MFHAS1: variants seen among roughly 807,000 people sequenced by gnomAD.
MFHAS1 encodes the protein malignant fibrous histiocytoma-amplified sequence 1.
Under a neutral mutation model 70.4 loss-of-function variants are expected in MFHAS1, and 50 were observed. The observed-to-expected ratio is 0.71, with a 90% CI of 0.57 to 0.90. MFHAS1 has a LOEUF of 0.90. MFHAS1 is among the 40% of genes least tolerant of loss of function. The pLI is 0.00. For missense variants in MFHAS1, 1,795 were observed against 1,347.6 expected (o/e 1.33, Z -5.20); for synonymous variants, 952 against 620.0 (o/e 1.54, Z -7.96).
chr8:8,876,504 G>A (rs1809297854), intron 1 of MFHAS1, among the ~76,000 whole-genome samples: 1 of 152,166 alleles, frequency 6.6e-6, no homozygotes, highest in East Asian at 1.9e-4. Flanking sequence ...GGAGGATGAG[G>A]CAGGCAGACT....
At chr8:8,866,612 T>C (rs1371608573) in intron 1 of MFHAS1, among the ~76,000 whole-genome samples, 1 of 152,132 alleles carries the variant, frequency 6.6e-6, no homozygotes, top group Non-Finnish European at 1.5e-5. Context: ...GCCACTGCAG[T>C]CAGCCAGTAA....
At chr8:8,820,768 C>A (rs992767527) in intron 1 of MFHAS1, among the ~76,000 whole-genome samples, 3 of 152,310 alleles carry the variant, frequency 2.0e-5, no homozygotes, top group South Asian at 2.1e-4. Context: ...AATCTCTAGC[C>A]GTCTGGCCAG....
intron 2 of MFHAS1, among the ~76,000 whole-genome samples, chr8:8,789,985 A>C (rs1805670710): frequency 1.3e-5 from 2 of 151,786 alleles, no homozygotes. Context: ...ACTTGTGACC[A>C]TCCCGGTACT....
At chr8:8,833,106 A>G (rs1807468314) in intron 1 of MFHAS1, among the ~76,000 whole-genome samples, 1 of 152,098 alleles carries the variant, frequency 6.6e-6, no homozygotes, top group Admixed American at 6.6e-5. Flanking sequence ...GGTGCCACAC[A>G]CTTTTAAACA....
Position 8,892,012 on chromosome 8 carries a change from C to A in MFHAS1, c.1047G>T (p.Leu349=). ...VELTGLEELV[L]QGNQIAVLPD... Reference sequence around the variant, plus strand: ...GCAGCACCGCGATCTGGTTCCCCTGCAGCACGAGCTCCTCCAGGCCGGTCA... The same window carrying A: ...GCAGCACCGCGATCTGGTTCCCCTGAAGCACGAGCTCCTCCAGGCCGGTCA... The change falls in exon 1 of 3, where the codon CTG becomes CTT. Residue 349 remains leucine, a synonymous_variant. Coordinates refer to ENST00000276282, the MANE Select transcript of MFHAS1 (RefSeq NM_004225.3). The surrounding 1 kb of genome is among the most constrained non-coding windows in gnomAD (Gnocchi z 4.7). 2 of 1,613,592 alleles carry A rather than the reference C, an allele frequency of 1.2e-6. No individual in the cohort carries two copies. The highest frequency in any genetic ancestry group is 1.3e-5 in the African/African-American group (1 of 75,056).
At chr8:8,796,582 G>A (rs1021305402) in intron 2 of MFHAS1, among the ~76,000 whole-genome samples, 6 of 148,592 alleles carry the variant, frequency 4.0e-5, no homozygotes, top group South Asian at 2.1e-4. Context: ...TACTCGGGAG[G>A]CTGAGGCAGG....
At chr8:8,823,092 G>T (rs185797875) in intron 1 of MFHAS1, among the ~76,000 whole-genome samples, 2 of 152,142 alleles carry the variant, frequency 1.3e-5, no homozygotes, top group East Asian at 3.9e-4. Context: ...CCCATCCTTG[G>T]AATCTGGGGA....
chr8:8,832,625 T>C (rs921731629), intron 1 of MFHAS1, among the ~76,000 whole-genome samples: 5 of 96,806 alleles, frequency 5.2e-5, no homozygotes, highest in Non-Finnish European at 9.8e-5. Context: ...CAGAATTTTT[T>C]TCTTTTTTTT....
At chr8:8,849,802 A>T (rs903284476) in intron 1 of MFHAS1, among the ~76,000 whole-genome samples, 9 of 152,228 alleles carry the variant, frequency 5.9e-5, no homozygotes, top group African/African-American at 1.9e-4. Context: ...CCTTTCTCTC[A>T]GAGGGAACCA....
chr8:8,883,296 A>G (rs1339341328), intron 1 of MFHAS1, among the ~76,000 whole-genome samples: 1 of 152,232 alleles, frequency 6.6e-6, no homozygotes, highest in Non-Finnish European at 1.5e-5. Flanking sequence ...GCTGCCAGAG[A>G]CAAGAGAGGG....
chr8:8,850,200 C>T (rs1371322473), intron 1 of MFHAS1, among the ~76,000 whole-genome samples: 4 of 152,288 alleles, frequency 2.6e-5, no homozygotes, highest in South Asian at 2.1e-4. Context: ...CTCACCTACA[C>T]CCCTTGTAAA....
At chr8:8,830,093 G>C (rs1055314144) in intron 1 of MFHAS1, among the ~76,000 whole-genome samples, 1 of 152,190 alleles carries the variant, frequency 6.6e-6, no homozygotes, top group Admixed American at 6.5e-5. Context: ...CCCGGGACTA[G>C]ATGACCTCTA....
chr8:8,879,689 T>C (rs1809436550), intron 1 of MFHAS1, among the ~76,000 whole-genome samples: 1 of 152,208 alleles, frequency 6.6e-6, no homozygotes, highest in Non-Finnish European at 1.5e-5. Flanking sequence ...TTTCTCCATA[T>C]GGGGTCAGAT....
intron 2 of MFHAS1, among the ~76,000 whole-genome samples, chr8:8,793,332 A>C (rs1272893123): frequency 6.6e-6 from 1 of 152,254 alleles, no homozygotes; most frequent in Admixed American, 6.5e-5. Flanking sequence ...CTTCTTTATA[A>C]AGAAAGCATT....
intron 2 of MFHAS1, among the ~76,000 whole-genome samples, chr8:8,789,991 G>T (rs191634111): frequency 1.6e-4 from 24 of 152,094 alleles, no homozygotes; most frequent in African/African-American, 5.1e-4. Flanking sequence ...GACCATCCCG[G>T]TACTTTCCTG....
At chr8:8,845,041 T>C (rs1807977776) in intron 1 of MFHAS1, among the ~76,000 whole-genome samples, 1 of 152,184 alleles carries the variant, frequency 6.6e-6, no homozygotes, top group South Asian at 2.1e-4. Context: ...ACCTATAAAA[T>C]GGATTAAGAT....
chr8:8,834,272 T>C (rs1278242733), intron 1 of MFHAS1, among the ~76,000 whole-genome samples: 1 of 152,204 alleles, frequency 6.6e-6, no homozygotes, highest in Non-Finnish European at 1.5e-5. Flanking sequence ...AGTGACATCA[T>C]AGCCGCCATA....
rs538185727 is a variant in MFHAS1 at position 8,785,839 on chromosome 8, C to T, written c.*183G>A. On this transcript the variant is annotated 3_prime_UTR_variant, in exon 3 of 3. Coordinates refer to ENST00000276282, the MANE Select transcript of MFHAS1 (RefSeq NM_004225.3). ...CATTTGCTCCATGTTCTCGTCCATG[C>T]TTCCCCCCACCACCCCCTCCCCACC... is the stretch of plus-strand genomic sequence containing the variant. 119 of 554,666 alleles carry T rather than the reference C, an allele frequency of 2.1e-4. No homozygotes were observed. Among genetic ancestry groups the T allele is most frequent in the East Asian group, 1.3e-3 (42 of 32,562 alleles). 34.4% of individuals were successfully genotyped at this position (554,666 alleles called of 1,614,324 possible). A position where few individuals can be genotyped will look rare whatever the true frequency, so the allele number is the denominator to read the frequency against.
chr8:8,802,169 G>C (rs1168484925), intron 1 of MFHAS1, among the ~76,000 whole-genome samples: 1 of 152,104 alleles, frequency 6.6e-6, no homozygotes, highest in African/African-American at 2.4e-5. Flanking sequence ...AGAAGGGAGG[G>C]ACAATTATTA....
Sources: allele counts gnomAD v4.1 joint callset (sites outside exome capture counted in the v4.1 genomes callset), GRCh38; gene constraint gnomAD v4.1.1; non-coding constraint Gnocchi (gnomAD v3.1); transcripts MANE v1.5; gene names NCBI Gene and HGNC (gene_info 2026-07-23, HGNC 2026-07-21).